Variants in SCML4 observed in about 807,000 individuals in gnomAD.
SCML4 encodes the protein Scm polycomb group protein like 4.
Under a neutral mutation model 41.1 loss-of-function variants are expected in SCML4, and 34 were observed. The ratio of observed to expected loss-of-function variants is 0.83; its 90% CI spans 0.63 to 1.10. The LOEUF is 1.10. Among genes scored for constraint, SCML4 ranks in the 50% least tolerant of loss-of-function variants. The pLI is 0.00. For missense variants in SCML4, 522 were observed against 534.1 expected (o/e 0.98, Z 0.22); for synonymous variants, 214 against 220.9 (o/e 0.97, Z 0.28).
chr6:107,794,403 C>A (rs559948063), intron 1 of SCML4, among the ~76,000 whole-genome samples: 4 of 152,130 alleles, frequency 2.6e-5, no homozygotes, highest in Admixed American at 2.6e-4. Flanking sequence ...GGGGCACATT[C>A]GGGCTTCTCT....
intron 5 of SCML4, among the ~76,000 whole-genome samples, chr6:107,736,630 T>C (rs2114468670): frequency 6.6e-6 from 1 of 152,200 alleles, no homozygotes; most frequent in Non-Finnish European, 1.5e-5. Context: ...TCATGCCTCT[T>C]GATGAACTCT....
intron 1 of SCML4, among the ~76,000 whole-genome samples, chr6:107,811,944 A>G (rs541617704): frequency 6.6e-6 from 1 of 152,328 alleles, no homozygotes; most frequent in East Asian, 1.9e-4. Flanking sequence ...GTCACCACTG[A>G]GCCAGACTTA....
At chr6:107,754,539 G>T (rs981866965) in intron 2 of SCML4, among the ~76,000 whole-genome samples, 25 of 152,176 alleles carry the variant, frequency 1.6e-4, no homozygotes, top group African/African-American at 5.8e-4. Context: ...GAGGACTTCA[G>T]GCAGTGACTT....
the SCML4 span, among the ~76,000 whole-genome samples, chr6:107,835,799 A>G: frequency 6.6e-6 from 1 of 151,944 alleles, no homozygotes; most frequent in Admixed American, 6.6e-5. Context: ...AGCAGAAATA[A>G]AACAAATTAT....
intron 1 of SCML4, among the ~76,000 whole-genome samples, chr6:107,802,643 A>T (rs1783260179): frequency 1.1e-5 from 1 of 90,770 alleles, no homozygotes; most frequent in Non-Finnish European, 2.4e-5. Flanking sequence ...AGGAAAGAAA[A>T]TTGGAAAGGC....
At chr6:107,839,235 A>G in the SCML4 span, among the ~76,000 whole-genome samples, 9 of 151,952 alleles carry the variant, frequency 5.9e-5, no homozygotes, top group Middle Eastern at 3.4e-3. Flanking sequence ...CTGAGGCAGC[A>G]GTGAGCCATG....
At chr6:107,708,377 T>C (rs956091517) in intron 6 of SCML4, among the ~76,000 whole-genome samples, 9 of 152,122 alleles carry the variant, frequency 5.9e-5, no homozygotes, top group Non-Finnish European at 1.2e-4. Flanking sequence ...CTCCTGAGCC[T>C]GGGTACTTGG....
Position 107,705,249 on chromosome 6 carries a change from G to A in SCML4, c.1196C>T (p.Ala399Val). The A allele has an allele frequency of 1.9e-6, 3 of 1,551,546 alleles. No homozygotes were observed. Among genetic ancestry groups the A allele is most frequent in the Non-Finnish European group, 2.6e-6 (3 of 1,146,752 alleles). Residue 399 changes from alanine (A) to valine (V), a missense_variant, in exon 8 of 8, where the codon GCA (alanine) becomes GTA (valine). Coordinates refer to ENST00000369020, the MANE Select transcript of SCML4 (RefSeq NM_198081.5). ...MKYLGLKLGP[A>V]LKLCYHIDKL... ...GTCAATGTGGTAGCAGAGTTTCAGT[G>A]CAGGTCCCAGCTTCAGGCCCAGGTA...
chr6:107,724,993 G>A (rs1305306520), intron 5 of SCML4, among the ~76,000 whole-genome samples: 1 of 152,188 alleles, frequency 6.6e-6, no homozygotes, highest in Non-Finnish European at 1.5e-5. Context: ...TAAAAAAGTG[G>A]ATCTCATGAA....
intron 1 of SCML4, among the ~76,000 whole-genome samples, chr6:107,778,588 C>G (rs910958884): frequency 1.3e-5 from 2 of 152,090 alleles, no homozygotes; most frequent in Non-Finnish European, 2.9e-5. Context: ...CAACGGAAAG[C>G]AAGAGTAACT....
intron 1 of SCML4, among the ~76,000 whole-genome samples, chr6:107,818,598 A>G (rs1784722096): frequency 1.3e-5 from 2 of 152,260 alleles, no homozygotes; most frequent in Admixed American, 6.5e-5. Context: ...GCCACAAAGA[A>G]TGAGAATGAT....
At chr6:107,812,161 T>C (rs958300738) in intron 1 of SCML4, among the ~76,000 whole-genome samples, 5 of 152,194 alleles carry the variant, frequency 3.3e-5, no homozygotes, top group African/African-American at 1.2e-4. Flanking sequence ...TGAGGGCAGC[T>C]GGAATTCTGA....
At chr6:107,744,511 T>G (rs1384429325) in intron 5 of SCML4, among the ~76,000 whole-genome samples, 1 of 152,194 alleles carries the variant, frequency 6.6e-6, no homozygotes, top group Non-Finnish European at 1.5e-5. Flanking sequence ...TGTCTGAGAC[T>G]CCCAGGCAGG....
chr6:107,729,057 C>T (rs1488235343), intron 5 of SCML4, among the ~76,000 whole-genome samples: 2 of 152,214 alleles, frequency 1.3e-5, no homozygotes, highest in Non-Finnish European at 2.9e-5. Context: ...GGAAAAGGAC[C>T]TTCACAAGCA....
chr6:107,761,440 T>G (rs1022063996), intron 2 of SCML4, among the ~76,000 whole-genome samples: 2 of 60,250 alleles, frequency 3.3e-5, no homozygotes, highest in Non-Finnish European at 8.8e-5. Flanking sequence ...ATAATATCTT[T>G]GGTTTTTTTT....
chr6:107,798,588 A>G (rs1782880054), intron 1 of SCML4, among the ~76,000 whole-genome samples: 1 of 151,778 alleles, frequency 6.6e-6, no homozygotes, highest in Non-Finnish European at 1.5e-5. Flanking sequence ...TCTGATTTTT[A>G]GTCTATTGAT....
chr6:107,708,068 C>T, intron 6 of SCML4, 57 bp from the exon 7 acceptor site: 2 of 1,520,730 alleles, frequency 1.3e-6, no homozygotes, highest in East Asian at 2.5e-5. Context: ...CTTGCACCTA[C>T]CTGGTGCTGC....
chr6:107,813,026 C>T (rs1784275021), intron 1 of SCML4, among the ~76,000 whole-genome samples: 2 of 151,682 alleles, frequency 1.3e-5, no homozygotes, highest in South Asian at 2.1e-4. Context: ...TTTAATGAAA[C>T]TTTATGTCAC....
intron 1 of SCML4, among the ~76,000 whole-genome samples, chr6:107,817,673 C>CTACTATCAG (rs1280195324): frequency 7.2e-6 from 1 of 138,906 alleles, no homozygotes; most frequent in Non-Finnish European, 1.5e-5. Context: ...TTTTCTTATT[C>CTACTATCAG]TACTATCAGA....
Sources: allele counts gnomAD v4.1 joint callset (sites outside exome capture counted in the v4.1 genomes callset), GRCh38; gene constraint gnomAD v4.1.1; transcripts MANE v1.5; gene names NCBI Gene and HGNC (gene_info 2026-07-23, HGNC 2026-07-21).